EBP: variants seen among roughly 807,000 people sequenced by gnomAD.
The protein encoded by EBP is EBP cholestenol delta-isomerase.
A neutral mutation model predicts 14.1 loss-of-function variants in EBP; 1 was observed. The observed-to-expected ratio is 0.07, with a 90% CI of 0.03 to 0.34. EBP has a LOEUF of 0.34. EBP is among the 10% of genes least tolerant of loss of function. The pLI is 0.99. For synonymous variants in EBP, 72 were observed against 77.7 expected (o/e 0.93, Z 0.38); for missense variants, 123 against 184.6 (o/e 0.67, Z 1.93).
At chrX:48,525,098 C>T (rs1224867447) in intron 2 of EBP, among the ~76,000 whole-genome samples, 1 of 112,162 alleles carries the variant, frequency 8.9e-6, no homozygotes, top group East Asian at 2.8e-4. Context: ...TCCCCAAACG[C>T]TGTTAGGCAC....
chrX:48,523,554 A>G (rs782404528), intron 1 of EBP, 145 bp from the exon 2 acceptor site: 8 of 158,719 alleles, frequency 5.0e-5, no homozygotes, highest in Non-Finnish European at 7.8e-5. Context: ...ACTCCGTCTG[A>G]AAAAAAAAAA....
At chrX:48,523,325 C>T (rs1203957506) in intron 1 of EBP, among the ~76,000 whole-genome samples, 2 of 110,741 alleles carry the variant, frequency 1.8e-5, no homozygotes, top group Admixed American at 1.9e-4. Flanking sequence ...GAGGCTGAGG[C>T]GGGCGGATCG....
In EBP at chrX:48,527,207, C is replaced by T; in HGVS notation, c.391C>T (p.Pro131Ser). Residue 131 changes from proline (P) to serine (S), a missense_variant, in exon 4 of 5, where the codon CCA becomes TCA. By Grantham distance (74) the Pro-to-Ser change is moderately conservative. Transcript: ENST00000495186. The stretch of plus-strand genomic sequence containing the variant: ...AACCATCACAGCTTGCCTGTGGGGA[C>T]CACTCAGCCTGTGGGTGGTGATCGC... Reference protein sequence around the residue: ...METITACLWGPLSLWVVIAFL... With the variant: ...METITACLWGSLSLWVVIAFL... 8.3e-7 allele frequency: 1 copy of T among 1,211,817 alleles called. No individual in the cohort carries two copies.
At chrX:48,525,175 A>C (rs1422572727) in intron 2 of EBP, among the ~76,000 whole-genome samples, 1 of 112,337 alleles carries the variant, frequency 8.9e-6, no homozygotes, top group African/African-American at 3.2e-5. Context: ...GCTCAATTGT[A>C]AAAGGAGGAT....
At chrX:48,526,342 C>CTTTTT (rs143091554) in intron 2 of EBP, among the ~76,000 whole-genome samples, 4 of 89,157 alleles carry the variant, frequency 4.5e-5, no homozygotes, top group Non-Finnish European at 4.4e-5. Context: ...TTCTTTCTTT[C>CTTTTT]TTTTTTTTTT....
chrX:48,527,465 C>G, intron 4 of EBP, 180 bp downstream of exon 4: 1 of 705,904 alleles, frequency 1.4e-6, no homozygotes, highest in Non-Finnish European at 2.1e-6. Context: ...CCTGCACTCT[C>G]AGGTGGGGAG....
chrX:48,523,750 G>A lies in EBP; in HGVS notation c.-22G>A, dbSNP rs782746968. On this transcript the variant is annotated 5_prime_UTR_variant, in exon 2 of 5. Transcript: ENST00000495186. Reference sequence around the variant, plus strand: ...TTTTTAACTTCCTGCCTATACACACGCAGCCATCAGCCCACAAAGACATGA... The same window carrying A: ...TTTTTAACTTCCTGCCTATACACACACAGCCATCAGCCCACAAAGACATGA... 11 of 1,096,296 alleles carry A rather than the reference G, an allele frequency of 1.0e-5. No individual in the cohort carries two copies. The highest frequency in any genetic ancestry group is 3.2e-5 in the East Asian group (1 of 30,777). The allele number at this position is 1,096,296 out of a possible 1,213,427, so 90.3% of individuals were successfully genotyped here.
chrX:48,523,798 C>T lies in EBP; in HGVS notation c.27C>T (p.His9=), dbSNP rs782507776. Residue 9 remains histidine, a synonymous_variant, in exon 2 of 5, where the codon CAC becomes CAT. Transcript: ENST00000495186. The part of the protein sequence containing the change: MTTNAGPL[H]PYWPQHLRLD... ...TGACTACCAACGCGGGCCCCTTGCA[C>T]CCATACTGGCCTCAGCACCTAAGAC... 2 of 1,203,808 alleles carry T rather than the reference C, an allele frequency of 1.7e-6. No homozygotes were observed. The highest frequency in any genetic ancestry group is 1.8e-5 in the African/African-American group (1 of 55,721).
At position 48,528,661 on chromosome X, in the gene EBP, G is replaced by A. The variant is rs2061786254; in HGVS notation, c.*204G>A. The A allele has an allele frequency of 2.2e-6, 1 of 448,690 alleles. No homozygotes were observed. Among genetic ancestry groups the A allele is most frequent in the Admixed American group, 3.8e-5 (1 of 26,103 alleles). The allele number at this position is 448,690 out of a possible 1,213,427, so 37.0% of individuals were successfully genotyped here. The stretch of plus-strand genomic sequence containing the variant: ...AGAACACAGATACAAGAGAAGCCAG[G>A]AGGTCTATGATGGTGACGATTTTTA... On this transcript the variant is annotated 3_prime_UTR_variant, in exon 5 of 5. Transcript: ENST00000495186.
In EBP at chrX:48,526,954, C is replaced by G. The variant is rs782557120; in HGVS notation, c.302-35C>G. On this transcript the variant is annotated intron_variant, in intron 2 of 4. Transcript: ENST00000495186. ...CACAAGTGTGTGTTCCTTTCACTGC[C>G]TTTATTCTTCATATCTCTCTCTTCT... The G allele has an allele frequency of 2.5e-6, 3 of 1,208,717 alleles. No individual in the cohort carries two copies. In the East Asian group the frequency reaches 8.9e-5, roughly 36 times the overall value.
At chrX:48,526,711 TTCAC>T (rs2061780285) in intron 2 of EBP, 3 of 404,341 alleles carry the variant, frequency 7.4e-6, no homozygotes, top group Non-Finnish European at 1.3e-5. Flanking sequence ...CATTGGCTAC[TTCAC>T]TCACTCCATC....
chrX:48,528,479 A>G lies in EBP; in HGVS notation c.*22A>G, dbSNP rs1222292231. On this transcript the variant is annotated 3_prime_UTR_variant, in exon 5 of 5. Transcript: ENST00000495186. ...CTGAGGAGTGGTGGACCAGGCTCGA[A>G]CACTGGCCGAGGAGGAGCTCTCTGC... 2 of 1,133,787 alleles carry G rather than the reference A, an allele frequency of 1.8e-6. No homozygotes were observed. The highest frequency in any genetic ancestry group is 2.4e-6 in the Non-Finnish European group (2 of 846,912). The allele number at this position is 1,133,787 out of a possible 1,213,427, so 93.4% of individuals were successfully genotyped here.
At chrX:48,522,061 A>T (rs1424837078) in intron 1 of EBP, 154 bp downstream of exon 1, 3 of 99,323 alleles carry the variant, frequency 3.0e-5, no homozygotes, top group Non-Finnish European at 5.9e-5. Context: ...ACGGTTGTCC[A>T]GAGGACAGAA....
rs1179635332 is a variant in EBP, at chrX:48,523,915, G to A, written c.144G>A (p.Leu48=). The change falls in exon 2 of 5, where the codon CTG becomes CTA. Residue 48 remains leucine (L), a synonymous_variant. Coordinates refer to ENST00000495186, the MANE Select transcript of EBP (RefSeq NM_006579.3). ...GGGTCTTAGTCGTGACCACATGGCT[G>A]TTGTCAGGTCGTGCTGCGGTTGTCC... ...VTGVLVVTTW[L]LSGRAAVVPL... The A allele has an allele frequency of 5.8e-6, 7 of 1,211,630 alleles. No homozygotes were observed. The highest frequency in any genetic ancestry group is 3.0e-5 in the East Asian group (1 of 33,832).
intron 1 of EBP, among the ~76,000 whole-genome samples, chrX:48,522,721 G>A (rs911505404): frequency 8.9e-6 from 1 of 112,146 alleles, no homozygotes; most frequent in South Asian, 3.7e-4. Flanking sequence ...TGCCCAGGCT[G>A]GAGTGCAGTG....
chrX:48,524,485 G>A lies in EBP; in HGVS notation c.301+413G>A, dbSNP rs111653002. 4.5e-3 allele frequency: 573 copies of A among 128,400 alleles called. 7 individuals carry two copies. Among genetic ancestry groups the A allele is most frequent in the African/African-American group, 0.017 (506 of 30,433 alleles). 10.6% of individuals were successfully genotyped at this position (128,400 alleles called of 1,213,427 possible). A position where few individuals can be genotyped will look rare whatever the true frequency, so the allele number is the denominator to read the frequency against. ...TACTAAAAATACAAAAATTAGCCGG[G>A]TGTGGTGGCACACGCCTGTAATCCC... On this transcript the variant is annotated intron_variant, in intron 2 of 4. Transcript: ENST00000495186.
intron 2 of EBP, among the ~76,000 whole-genome samples, chrX:48,526,010 C>G (rs1461590490): frequency 2.0e-5 from 2 of 101,807 alleles, no homozygotes; most frequent in African/African-American, 7.3e-5. Flanking sequence ...TCTCTGGGAC[C>G]TGGGAGGCGG....
chrX:48,525,451 T>C (rs2061776209), intron 2 of EBP, among the ~76,000 whole-genome samples: 2 of 111,439 alleles, frequency 1.8e-5, no homozygotes, highest in African/African-American at 6.5e-5. Context: ...ACTGCAACCT[T>C]GAACTCCTGG....
chrX:48,526,239 T>C (rs1263307355), intron 2 of EBP, among the ~76,000 whole-genome samples: 1 of 111,300 alleles, frequency 9.0e-6, no homozygotes, highest in African/African-American at 3.3e-5. Context: ...AATGGAAGTT[T>C]GAACATCTTT....
Sources: gnomAD v4.1 joint callset for allele counts (sites outside exome capture counted in the v4.1 genomes callset) on GRCh38, gnomAD v4.1.1 for gene constraint, MANE v1.5 for transcripts, NCBI Gene and HGNC (gene_info 2026-07-23, HGNC 2026-07-21) for gene names.